TMEM14A: variants seen among roughly 807,000 people sequenced by gnomAD.
TMEM14A encodes the protein transmembrane protein 14A.
TMEM14A carries 8 observed loss-of-function variants against 11.6 expected under a neutral mutation model. That is an observed-to-expected ratio of 0.69 (90% CI 0.40 to 1.24). TMEM14A has a LOEUF of 1.24. Ranked by LOEUF, TMEM14A falls within the 50% of genes most tolerant of loss-of-function variation. The pLI is 0.01. For synonymous variants in TMEM14A, 34 were observed against 45.5 expected, an observed-to-expected ratio of 0.75 and a Z score of 1.02; for missense variants, 108 against 121.9, an observed-to-expected ratio of 0.89 and a Z score of 0.54.
Position 52,686,580 on chromosome 6 carries a change from T to G in TMEM14A, c.*531T>G. ...TTCAGTATTCAAATAAAAGACATTT[T>G]GGTTCAAACCTGTTTCTTTCATGTC... is the stretch of plus-strand genomic sequence containing the variant. On this transcript the variant is annotated 3_prime_UTR_variant, in exon 5 of 5. Coordinates refer to ENST00000211314, the MANE Select transcript of TMEM14A (RefSeq NM_014051.4). The G allele has an allele frequency of 5.5e-6, 2 of 363,308 alleles. No individual in the cohort carries two copies. Among genetic ancestry groups the G allele is most frequent in the Non-Finnish European group, 9.9e-6 (2 of 201,230 alleles). 22.5% of individuals were successfully genotyped at this position (363,308 alleles called of 1,614,324 possible). A position where few individuals can be genotyped will look rare whatever the true frequency, so the allele number is the denominator to read the frequency against.
chr6:52,679,086 T>C (rs998775893), intron 2 of TMEM14A, among the ~76,000 whole-genome samples: 4 of 152,194 alleles, frequency 2.6e-5, no homozygotes, highest in Non-Finnish European at 5.9e-5. Context: ...AGGACACAGA[T>C]GTATCCAAAT....
chr6:52,680,593 TTATATA>T lies in TMEM14A; in HGVS notation c.71-1206_71-1201del, dbSNP rs70977373. Among the ~76,000 whole-genome samples, 297 of 96,518 alleles carry T rather than the reference TTATATA, an allele frequency of 3.1e-3. 8 individuals are homozygous for T. The highest frequency in any genetic ancestry group is 0.01 in the African/African-American group (282 of 27,566). 63.3% of individuals were successfully genotyped at this position (96,518 alleles called of 152,430 possible). ...TCTAAGCCACTATATATTTATATATTTATATATATATATATATATGTATATATATGT... is the reference window on the plus strand; with the variant it reads ...TCTAAGCCACTATATATTTATATATTTATATATATATATGTATATATATGT... On this transcript the variant is annotated intron_variant, in intron 2 of 4. Transcript: ENST00000211314.
chr6:52,683,431 G>T (rs1769428053), intron 3 of TMEM14A, among the ~76,000 whole-genome samples: 1 of 149,248 alleles, frequency 6.7e-6, no homozygotes, highest in Non-Finnish European at 1.5e-5. Flanking sequence ...CTGTACTCCA[G>T]CCTGGGTGAC....
chr6:52,681,834 C>G lies in TMEM14A; in HGVS notation c.92C>G (p.Ala31Gly). The change falls in exon 3 of 5, where the codon GCT (alanine) becomes GGT (glycine). Residue 31 changes from alanine to glycine, a missense_variant. Transcript: ENST00000211314. ...KRRGGVPSLIAGLFVGCLAGY... is the reference protein window; with the variant it reads ...KRRGGVPSLIGGLFVGCLAGY... ...CCAGGTGGTGTTCCGTCTTTGATTG[C>G]TGGTCTTTTTGTTGGATGTTTGGCC... The G allele has an allele frequency of 6.2e-7, 1 of 1,613,948 alleles. No homozygotes were observed. The highest frequency in any genetic ancestry group is 8.5e-7 in the Non-Finnish European group (1 of 1,179,962).
chr6:52,677,476 A>ATTTTTTTTTTTTTTTTT (rs34248758), intron 2 of TMEM14A, among the ~76,000 whole-genome samples: 1 of 148,300 alleles, frequency 6.7e-6, no homozygotes. Flanking sequence ...TTAAATGAGG[A>ATTTTTTTTTTTTTTTTT]TTTTTTTTTT....
chr6:52,680,653 G>A (rs1439491302), intron 2 of TMEM14A, among the ~76,000 whole-genome samples: 72 of 27,010 alleles, frequency 2.7e-3, no homozygotes, highest in Non-Finnish European at 4.2e-3. Flanking sequence ...ATATATATGT[G>A]TGTGTATATA....
In TMEM14A at chr6:52,684,139, G is replaced by A. The variant is rs769068441; in HGVS notation, c.234G>A (p.Met78Ile). The stretch of plus-strand genomic sequence containing the variant: ...GATTTAAGAGGTCCAAGAAAATAAT[G>A]CCTGCTGGTTTGGTTGCAGGTTTAA... ...GVRFKRSKKI[M>I]PAGLVAGLSL... Residue 78 changes from methionine to isoleucine, a missense_variant, in exon 4 of 5, where the codon ATG becomes ATA. Coordinates refer to ENST00000211314, the MANE Select transcript of TMEM14A (RefSeq NM_014051.4). The A allele has an allele frequency of 6.2e-7, 1 of 1,613,798 alleles. No individual in the cohort carries two copies. Among genetic ancestry groups the A allele is most frequent in the East Asian group, 2.2e-5 (1 of 44,858 alleles).
rs1450401465 is a variant in TMEM14A, at chr6:52,686,439, A to G, written c.*390A>G. 2.1e-5 allele frequency: 8 copies of G among 386,548 alleles called. No individual in the cohort carries two copies. The highest frequency in any genetic ancestry group is 8.3e-5 in the African/African-American group (4 of 48,356). The allele number at this position is 386,548 out of a possible 1,614,324, so 23.9% of individuals were successfully genotyped here. A position where few individuals can be genotyped will look rare whatever the true frequency, so the allele number is the denominator to read the frequency against. ...AATGTATCTATTTGTCATTTGTGTT[A>G]TATTTGAAATTATTAGAAATTATGC... is the stretch of plus-strand genomic sequence containing the variant. On this transcript the variant is annotated 3_prime_UTR_variant, in exon 5 of 5. Coordinates refer to ENST00000211314, the MANE Select transcript of TMEM14A (RefSeq NM_014051.4).
At chr6:52,683,023 A>G (rs900837099) in intron 3 of TMEM14A, among the ~76,000 whole-genome samples, 1 of 151,966 alleles carries the variant, frequency 6.6e-6, no homozygotes, top group East Asian at 1.9e-4. Context: ...TACATTAACT[A>G]TTTTCTTTAT....
intron 2 of TMEM14A, among the ~76,000 whole-genome samples, chr6:52,677,438 T>G (rs1350444526): frequency 6.6e-6 from 1 of 151,974 alleles, no homozygotes; most frequent in Non-Finnish European, 1.5e-5. Context: ...TTAATTGATT[T>G]AATCTCCCTC....
At chr6:52,678,391 A>T (rs1561874295) in intron 2 of TMEM14A, among the ~76,000 whole-genome samples, 1 of 149,808 alleles carries the variant, frequency 6.7e-6, no homozygotes, top group Non-Finnish European at 1.5e-5. Flanking sequence ...ATTTTATTCT[A>T]ACTCACATCT....
rs1331911641 is a variant in TMEM14A at position 52,686,548 on chromosome 6, G to T, written c.*499G>T. 1 of 376,626 alleles carries T rather than the reference G, an allele frequency of 2.7e-6. No homozygotes were observed. Among genetic ancestry groups the T allele is most frequent in the Non-Finnish European group, 4.7e-6 (1 of 210,666 alleles). The allele number at this position is 376,626 out of a possible 1,614,324, so 23.3% of individuals were successfully genotyped here. ...CTTAGCACACTGTTATGTCCTAACT[G>T]AATGTATTCAGTATTCAAATAAAAG... On this transcript the variant is annotated 3_prime_UTR_variant, in exon 5 of 5. Coordinates refer to ENST00000211314, the MANE Select transcript of TMEM14A (RefSeq NM_014051.4).
chr6:52,676,885 G>C (rs546018544), intron 1 of TMEM14A, among the ~76,000 whole-genome samples: 2 of 152,176 alleles, frequency 1.3e-5, no homozygotes, highest in South Asian at 4.2e-4. Flanking sequence ...AGCACTAGGG[G>C]GATGTTGCTA....
chr6:52,675,245 C>A (rs1275421228), intron 1 of TMEM14A, among the ~76,000 whole-genome samples: 1 of 152,130 alleles, frequency 6.6e-6, no homozygotes, highest in East Asian at 1.9e-4. Flanking sequence ...GCCCATTAAC[C>A]TAAATGATAA....
intron 1 of TMEM14A, among the ~76,000 whole-genome samples, chr6:52,675,061 T>G (rs1003380601): frequency 2.0e-5 from 3 of 152,014 alleles, no homozygotes; most frequent in Non-Finnish European, 4.4e-5. Flanking sequence ...TGTTGTATAT[T>G]TAGTAGAGAA....
chr6:52,684,435 C>G (rs1769455160), intron 4 of TMEM14A, among the ~76,000 whole-genome samples: 1 of 152,166 alleles, frequency 6.6e-6, no homozygotes, highest in Admixed American at 6.5e-5. Context: ...TAAACTCAGC[C>G]TCATTTTTCC....
chr6:52,676,090 C>T (rs61328033), intron 1 of TMEM14A, among the ~76,000 whole-genome samples: 1,612 of 152,184 alleles, frequency 0.011, 17 homozygotes, highest in African/African-American at 0.036. Context: ...CCTGGCTGAC[C>T]AGAGCAGAAG....
intron 4 of TMEM14A, 139 bp downstream of exon 4, chr6:52,684,304 C>T (rs1769452167): frequency 1.4e-6 from 1 of 711,716 alleles, no homozygotes; most frequent in Non-Finnish European, 2.3e-6. Context: ...CTTAAGATAG[C>T]ATGGATTCAG....
chr6:52,681,878 G>A lies in TMEM14A; in HGVS notation c.136G>A (p.Val46Ile). The part of the protein sequence containing the change: ...GCLAGYGAYR[V>I]SNDKRDVKVS... ...TTTGGCCGGCTATGGAGCTTACCGT[G>A]TCTCCAATGACAAACGAGATGTAAA... Residue 46 changes from valine (V) to isoleucine (I), a missense_variant, in exon 3 of 5, where the codon GTC becomes ATC. Physicochemically the swap from Val to Ile is conservative, Grantham distance 29. Transcript: ENST00000211314. 3 of 1,614,048 alleles carry A rather than the reference G, an allele frequency of 1.9e-6. No homozygotes were observed. The highest frequency in any genetic ancestry group is 2.5e-6 in the Non-Finnish European group (3 of 1,179,994).
Sources: allele counts gnomAD v4.1 joint callset (sites outside exome capture counted in the v4.1 genomes callset), GRCh38; gene constraint gnomAD v4.1.1; transcripts MANE v1.5; gene names NCBI Gene and HGNC (gene_info 2026-07-23, HGNC 2026-07-21).